Variants in STAT4 observed in about 807,000 individuals in gnomAD.
STAT4 encodes signal transducer and activator of transcription 4.
A neutral mutation model predicts 110.5 loss-of-function variants in STAT4; 42 were observed. The ratio of observed to expected loss-of-function variants is 0.38; its 90% CI spans 0.30 to 0.49. The LOEUF is 0.49. Ranked by LOEUF, STAT4 falls within the 20% of genes least tolerant of loss-of-function variation. The pLI, the probability that STAT4 is intolerant of heterozygous loss-of-function variation, is 0.95. For missense variants in STAT4, 632 were observed against 887.9 expected (o/e 0.71, Z 3.66); for synonymous variants, 284 against 302.2 (o/e 0.94, Z 0.63).
intron 3 of STAT4, among the ~76,000 whole-genome samples, chr2:191,137,339 AG>A (rs1699206546): frequency 6.6e-6 from 1 of 152,208 alleles, no homozygotes; most frequent in Admixed American, 6.5e-5. Context: ...CTCAAAAAAA[AG>A]AAAAAAAATT....
chr2:191,063,939 A>G (rs557068915), intron 8 of STAT4, among the ~76,000 whole-genome samples: 1 of 152,308 alleles, frequency 6.6e-6, no homozygotes, highest in Admixed American at 6.5e-5. Context: ...TTAAGAATCA[A>G]TTTTAGATTT....
Position 191,031,096 on chromosome 2 carries a change from A to G in STAT4, c.2112-16T>C. On this transcript the variant is annotated splice_polypyrimidine_tract_variant and intron_variant, in intron 22 of 23. Coordinates refer to ENST00000392320, the MANE Select transcript of STAT4 (RefSeq NM_003151.4). The surrounding 1 kb of genome is among the most constrained non-coding windows in gnomAD (Gnocchi z 4.8). ...ATCACTTCGGCTTAAAGAGATAACA[A>G]GGTCAATATGGACAAGGATTAAAAA... is the stretch of plus-strand genomic sequence containing the variant. The G allele has an allele frequency of 6.2e-7, 1 of 1,610,810 alleles. No individual in the cohort carries two copies. The highest frequency in any genetic ancestry group is 8.5e-7 in the Non-Finnish European group (1 of 1,177,014).
chr2:191,095,511 A>G (rs1157302302), intron 3 of STAT4, among the ~76,000 whole-genome samples: 1 of 152,180 alleles, frequency 6.6e-6, no homozygotes, highest in African/African-American at 2.4e-5. Context: ...TCCTGAATGG[A>G]CACTGGGTAA....
rs190578187 is a variant in STAT4 at position 191,069,221 on chromosome 2, T to G, written c.544+472A>C. Among the ~76,000 whole-genome samples the G allele has an allele frequency of 4.5e-4, 69 of 152,226 alleles. 1 individual carries two copies. The highest frequency in any genetic ancestry group is 6.8e-3 in the Middle Eastern group (2 of 294). Reference sequence around the variant, plus strand: ...CGATTTCACGAGATTTTTATTTTTTTAATGCTTTTGCCTATATTTTAGGCT... The same window carrying G: ...CGATTTCACGAGATTTTTATTTTTTGAATGCTTTTGCCTATATTTTAGGCT... On this transcript the variant is annotated intron_variant, in intron 6 of 23. Transcript: ENST00000392320.
intron 3 of STAT4, among the ~76,000 whole-genome samples, chr2:191,118,302 C>A (rs574979802): frequency 1.4e-3 from 212 of 152,314 alleles, no homozygotes; most frequent in Middle Eastern, 6.8e-3. Context: ...TTCTGGGTCA[C>A]ATTCCTTTGA....
chr2:191,084,321 T>C (rs1414984335), intron 3 of STAT4, among the ~76,000 whole-genome samples: 2 of 152,064 alleles, frequency 1.3e-5, no homozygotes, highest in African/African-American at 4.8e-5. Flanking sequence ...TAAGCTTATG[T>C]TCTTAGAGTT....
Position 191,062,958 on chromosome 2 carries a change from C to A in STAT4, c.783-38G>T. The A allele has an allele frequency of 6.3e-7, 1 of 1,577,858 alleles. No homozygotes were observed. The highest frequency in any genetic ancestry group is 8.6e-7 in the Non-Finnish European group (1 of 1,161,354). ...AAATGAAAATCAAAGATAGTTTTTC[C>A]ACTTAATAATAAAAAAGCATTGTAA... On this transcript the variant is annotated intron_variant, in intron 8 of 23. Coordinates refer to ENST00000392320, the MANE Select transcript of STAT4 (RefSeq NM_003151.4). The surrounding 1 kb of genome is among the most constrained non-coding windows in gnomAD (Gnocchi z 4.9).
rs137873166 is a variant in STAT4 at position 191,114,261 on chromosome 2, TA to T, written c.273+32351del. Among the ~76,000 whole-genome samples the T allele has an allele frequency of 3.3e-4, 51 of 152,330 alleles. 1 individual carries two copies. In the East Asian group the frequency reaches 9.4e-3, roughly 28 times the overall value. On this transcript the variant is annotated intron_variant, in intron 3 of 23. Coordinates refer to ENST00000392320, the MANE Select transcript of STAT4 (RefSeq NM_003151.4). ...GCCTGAAGTCTTGCCAAAATCACGG[TA>T]ATGAGACCATAAATCAATAGAATGT... is the stretch of plus-strand genomic sequence containing the variant.
chr2:191,094,917 CA>C (rs1165913847), intron 3 of STAT4, among the ~76,000 whole-genome samples: 18,408 of 77,674 alleles, frequency 0.24, 1,260 homozygotes, highest in East Asian at 0.35. Context: ...AAATGGAAAG[CA>C]AAAAAAAAAA....
chr2:191,144,848 G>A lies in STAT4; in HGVS notation c.273+1765C>T, dbSNP rs1248979505. Among the ~76,000 whole-genome samples, 1 of 152,086 alleles carries A rather than the reference G, an allele frequency of 6.6e-6. No homozygotes were observed. Among genetic ancestry groups the A allele is most frequent in the Non-Finnish European group, 1.5e-5 (1 of 68,014 alleles). On this transcript the variant is annotated intron_variant, in intron 3 of 23. Transcript: ENST00000392320. This position sits in a 1 kb window ranked among gnomAD's most constrained non-coding sequence, Gnocchi z 4.7. Reference sequence around the variant, plus strand: ...CCAGACTTCCTCACAATTCCAAAAGGTAGATAATAATTATCTTTGTTTACA... The same window carrying A: ...CCAGACTTCCTCACAATTCCAAAAGATAGATAATAATTATCTTTGTTTACA...
intron 13 of STAT4, among the ~76,000 whole-genome samples, chr2:191,054,763 A>C (rs1696630039): frequency 6.6e-6 from 1 of 152,186 alleles, no homozygotes; most frequent in Non-Finnish European, 1.5e-5. Context: ...GCATATCACT[A>C]AGACTTTAGC....
At chr2:191,057,581 C>CTTT (rs56816363) in intron 13 of STAT4, among the ~76,000 whole-genome samples, 3 of 121,328 alleles carry the variant, frequency 2.5e-5, no homozygotes, top group Admixed American at 8.9e-5. Context: ...AATTTCTTTT[C>CTTT]TTTTTTTTTT....
In STAT4 at chr2:191,132,810, A is replaced by G. The variant is rs1038768008; in HGVS notation, c.273+13803T>C. Among the ~76,000 whole-genome samples the G allele has an allele frequency of 9.2e-4, 135 of 146,140 alleles. 2 individuals are homozygous for G. The highest frequency in any genetic ancestry group is 5.3e-3 in the Admixed American group (77 of 14,550). ...CGCTCTGTCGCCCAGGCTGGAGTGC[A>G]GTGGCGTGATCTCGGCTCACTGCAA... On this transcript the variant is annotated intron_variant, in intron 3 of 23. Transcript: ENST00000392320.
At chr2:191,055,732 C>A (rs1370537987) in intron 13 of STAT4, among the ~76,000 whole-genome samples, 1 of 152,194 alleles carries the variant, frequency 6.6e-6, no homozygotes, top group Non-Finnish European at 1.5e-5. Context: ...AAACGCTTTG[C>A]AAGAGCAAAA....
Position 191,059,126 on chromosome 2 carries a change from T to C in STAT4, c.1035-357A>G, listed in dbSNP as rs1002375089. 2.0e-5 allele frequency among the ~76,000 whole-genome samples: 3 copies of C among 152,216 alleles called. No homozygotes were observed. The highest frequency in any genetic ancestry group is 7.2e-5 in the African/African-American group (3 of 41,464). On this transcript the variant is annotated intron_variant, in intron 10 of 23. Coordinates refer to ENST00000392320, the MANE Select transcript of STAT4 (RefSeq NM_003151.4). This position sits in a 1 kb window ranked among gnomAD's most constrained non-coding sequence, Gnocchi z 4.7. Reference sequence around the variant, plus strand: ...ATGTACAGATATAAAAAAATTCTTATATGGCTTCATTTTATCCTCATATTA... The same window carrying C: ...ATGTACAGATATAAAAAAATTCTTACATGGCTTCATTTTATCCTCATATTA...
chr2:191,151,514 T>TTGGGCCAAGTCCTGGG, upstream of STAT4: 2 of 985,480 alleles, frequency 2.0e-6, no homozygotes, highest in Non-Finnish European at 2.4e-6. This position sits in a 1 kb window ranked among gnomAD's most constrained non-coding sequence, Gnocchi z 4.7. Context: ...ACCCAGAGGG[T>TTGGGCCAAGTCCTGGG]TGGGCCAAGT....
At chr2:191,041,005 A>T in intron 15 of STAT4, 60 bp downstream of exon 15, 1 of 1,135,334 alleles carries the variant, frequency 8.8e-7, no homozygotes, top group Non-Finnish European at 1.2e-6. Context: ...TACATCTATT[A>T]ATGCTGACCA....
rs532090007 is a variant in STAT4, at chr2:191,147,771, T to C, written c.128+305A>G. Among the ~76,000 whole-genome samples, 15 of 152,180 alleles carry C rather than the reference T, an allele frequency of 9.9e-5. No homozygotes were observed. Among genetic ancestry groups the C allele is most frequent in the East Asian group, 1.9e-4 (1 of 5,204 alleles). Reference sequence around the variant, plus strand: ...ACTGAGAAAAAAATATTGATTTACATTGAGTCTGTGATAGAGAACTGACAA... The same window carrying C: ...ACTGAGAAAAAAATATTGATTTACACTGAGTCTGTGATAGAGAACTGACAA... On this transcript the variant is annotated intron_variant, in intron 2 of 23. Coordinates refer to ENST00000392320, the MANE Select transcript of STAT4 (RefSeq NM_003151.4). The surrounding 1 kb of genome is among the most constrained non-coding windows in gnomAD (Gnocchi z 4.1).
In STAT4 at chr2:191,061,742, T is replaced by C. The variant is rs746642521; in HGVS notation, c.1021A>G (p.Thr341Ala). 1.2e-6 allele frequency: 2 copies of C among 1,613,960 alleles called. No homozygotes were observed. Among genetic ancestry groups the C allele is most frequent in the Non-Finnish European group, 8.5e-7 (1 of 1,179,892 alleles). The change falls in exon 10 of 24, where the codon ACT becomes GCT. Residue 341 changes from threonine to alanine, a missense_variant. Physicochemically the swap from Thr to Ala is moderately conservative, Grantham distance 58. Transcript: ENST00000392320. The surrounding 1 kb of genome is among the most constrained non-coding windows in gnomAD (Gnocchi z 6.2). ...PLVLKTLIQF[T>A]VKLRLLIKLP... is the part of the protein sequence containing the mutation. ...GTTTTTGCCTACCTTAGTTTTACAG[T>C]GAACTGAATTAGGGTTTTAAGTACC...
Sources: allele counts gnomAD v4.1 joint callset (sites outside exome capture counted in the v4.1 genomes callset), GRCh38; gene constraint gnomAD v4.1.1; non-coding constraint Gnocchi (gnomAD v3.1); transcripts MANE v1.5; gene names NCBI Gene and HGNC (gene_info 2026-07-23, HGNC 2026-07-21).